Variants in HIVEP1 observed in about 807,000 individuals in gnomAD.
HIVEP1 encodes zinc finger protein 40.
A neutral mutation model predicts 180.0 loss-of-function variants in HIVEP1; 36 were observed. The observed-to-expected ratio is 0.20, with a 90% CI of 0.15 to 0.26. The LOEUF is 0.26. Ranked by LOEUF, HIVEP1 falls within the 10% of genes least tolerant of loss-of-function variation. The pLI is 1.00. For missense variants in HIVEP1, 3,143 were observed against 3,268.7 expected, an observed-to-expected ratio of 0.96 and a Z score of 0.94; for synonymous variants, 1,239 against 1,239.0, an observed-to-expected ratio of 1.00 and a Z score of 0.00.
chr6:12,171,752 G>A, the HIVEP1 span, among the ~76,000 whole-genome samples: 1 of 152,186 alleles, frequency 6.6e-6, no homozygotes, highest in African/African-American at 2.4e-5. Flanking sequence ...AGAAGCTAGT[G>A]GGAATTCATG....
chr6:12,033,488 A>AC (rs1231236123), intron 2 of HIVEP1, among the ~76,000 whole-genome samples: 1 of 152,112 alleles, frequency 6.6e-6, no homozygotes, highest in African/African-American at 2.4e-5. Flanking sequence ...ACGTTCTTGA[A>AC]CCTTGCTGGA....
the HIVEP1 span, among the ~76,000 whole-genome samples, chr6:12,194,020 A>G: frequency 4.6e-5 from 7 of 151,382 alleles, no homozygotes; most frequent in African/African-American, 1.2e-4. Flanking sequence ...ACATGTGGCA[A>G]TTGAGTCCTT....
At chr6:12,168,100 C>CATGT (rs1562024467), downstream of HIVEP1, among the ~76,000 whole-genome samples, 5 of 19,852 alleles carry the variant, frequency 2.5e-4, 1 homozygote, top group Non-Finnish European at 5.8e-4. Context: ...TACACATACA[C>CATGT]GTATATATGT....
At position 12,125,428 on chromosome 6, in the gene HIVEP1, C is replaced by T. The variant is rs115828340; in HGVS notation, c.5633C>T (p.Ser1878Leu). ...TLTVRSSPAP[S>L]ENTHISPLKC... ...ACAGTTCGAAGTTCACCTGCTCCTT[C>T]AGAAAATACTCATATTTCTCCTTTG... Residue 1878 changes from serine (S) to leucine (L), a missense_variant, in exon 4 of 9, where the codon TCA becomes TTA. Physicochemically the swap from Ser to Leu is moderately radical, Grantham distance 145. Coordinates refer to ENST00000379388, the MANE Select transcript of HIVEP1 (RefSeq NM_002114.4). 1,891 of 1,614,118 alleles carry T rather than the reference C, an allele frequency of 1.2e-3. 19 individuals are homozygous for T. The African/African-American group carries it at 0.023, about 20-fold the overall frequency.
At chr6:12,176,250 T>TG in the HIVEP1 span, among the ~76,000 whole-genome samples, 2 of 150,938 alleles carry the variant, frequency 1.3e-5, no homozygotes, top group Non-Finnish European at 3.0e-5. Context: ...TTTTTTTTTT[T>TG]GAAACGAAGT....
At chr6:12,064,242 G>A (rs1450287454) in intron 2 of HIVEP1, among the ~76,000 whole-genome samples, 1 of 152,112 alleles carries the variant, frequency 6.6e-6, no homozygotes, top group Non-Finnish European at 1.5e-5. Context: ...AGTGGGAACG[G>A]CATATGTATC....
intron 3 of HIVEP1, among the ~76,000 whole-genome samples, chr6:12,107,000 C>A (rs1484070584): frequency 6.6e-6 from 1 of 152,126 alleles, no homozygotes; most frequent in Non-Finnish European, 1.5e-5. Context: ...TCTGCTATTT[C>A]TAGTTTAATT....
intron 2 of HIVEP1, among the ~76,000 whole-genome samples, chr6:12,043,394 C>T (rs1193843706): frequency 7.8e-6 from 1 of 128,288 alleles, no homozygotes; most frequent in Non-Finnish European, 1.6e-5. Flanking sequence ...CAGAGTCTTA[C>T]TCTGTCACCC....
At chr6:12,176,973 C>G in the HIVEP1 span, among the ~76,000 whole-genome samples, 4 of 152,164 alleles carry the variant, frequency 2.6e-5, no homozygotes, top group Admixed American at 6.5e-5. Flanking sequence ...CCATGGAATA[C>G]TATGCAGCCA....
Position 12,163,841 on chromosome 6 carries a change from C to G in HIVEP1, c.7537C>G (p.Pro2513Ala). 2 of 1,614,174 alleles carry G rather than the reference C, an allele frequency of 1.2e-6. No homozygotes were observed. Among genetic ancestry groups the G allele is most frequent in the East Asian group, 2.2e-5 (1 of 44,870 alleles). Residue 2513 changes from proline to alanine, a missense_variant, in exon 9 of 9, where the codon CCA becomes GCA. By Grantham distance (27) the Pro-to-Ala change is conservative. Transcript: ENST00000379388. ...NTNMAPQVHP[P>A]GLALNAVGLQ... ...AAATATGGCCCCACAAGTCCATCCACCAGGACTGGCTCTGAATGCTGTCGG... is the reference window on the plus strand; with the variant it reads ...AAATATGGCCCCACAAGTCCATCCAGCAGGACTGGCTCTGAATGCTGTCGG...
the HIVEP1 span, among the ~76,000 whole-genome samples, chr6:12,171,710 T>A: frequency 3.3e-5 from 5 of 152,266 alleles, no homozygotes; most frequent in Non-Finnish European, 7.4e-5. Flanking sequence ...CCCCGTTCAT[T>A]TTTGTGTAAA....
intron 3 of HIVEP1, among the ~76,000 whole-genome samples, chr6:12,118,671 A>G (rs1354197527): frequency 2.0e-5 from 3 of 152,060 alleles, no homozygotes; most frequent in Non-Finnish European, 4.4e-5. Flanking sequence ...TATTTTGTTG[A>G]GTTAAAGTGG....
chr6:12,202,898 G>A, the HIVEP1 span, among the ~76,000 whole-genome samples: 1 of 152,232 alleles, frequency 6.6e-6, no homozygotes, highest in South Asian at 2.1e-4. Flanking sequence ...AATTGTTTTT[G>A]AAAGTTAAGT....
chr6:12,109,121 A>C (rs557745575), intron 3 of HIVEP1, among the ~76,000 whole-genome samples: 1 of 152,180 alleles, frequency 6.6e-6, no homozygotes, highest in African/African-American at 2.4e-5. Flanking sequence ...CTGGGACTAC[A>C]GGCGCCTGCC....
chr6:12,051,363 T>A (rs963826906), intron 2 of HIVEP1, among the ~76,000 whole-genome samples: 1 of 152,094 alleles, frequency 6.6e-6, no homozygotes, highest in East Asian at 1.9e-4. Flanking sequence ...TATTTAAAAT[T>A]TTTGTTTTAC....
intron 7 of HIVEP1, among the ~76,000 whole-genome samples, chr6:12,144,249 TG>T (rs1355684341): frequency 6.6e-6 from 1 of 152,150 alleles, no homozygotes; most frequent in African/African-American, 2.4e-5. Context: ...AGCTGATCTT[TG>T]ACAAATCTAA....
intron 6 of HIVEP1, among the ~76,000 whole-genome samples, chr6:12,131,755 G>A (rs1360178371): frequency 1.4e-4 from 10 of 73,156 alleles, no homozygotes; most frequent in Admixed American, 1.1e-3. Flanking sequence ...CAAGGTAATC[G>A]TGAAAACATG....
chr6:12,109,100 C>T (rs1421571325), intron 3 of HIVEP1, among the ~76,000 whole-genome samples: 1 of 152,254 alleles, frequency 6.6e-6, no homozygotes, highest in Non-Finnish European at 1.5e-5. Flanking sequence ...CTGCCTCAGC[C>T]TCCCGAGTAC....
At chr6:12,082,149 G>T (rs547614215) in intron 2 of HIVEP1, among the ~76,000 whole-genome samples, 24 of 152,080 alleles carry the variant, frequency 1.6e-4, no homozygotes, top group African/African-American at 5.3e-4. Context: ...CTTAAATGGA[G>T]AGTAATTAAC....
Sources: allele counts gnomAD v4.1 joint callset (sites outside exome capture counted in the v4.1 genomes callset), GRCh38; gene constraint gnomAD v4.1.1; transcripts MANE v1.5; gene names NCBI Gene and HGNC (gene_info 2026-07-23, HGNC 2026-07-21).